The following XKR9 variants were observed in gnomAD, a reference collection of about 807,000 sequenced individuals.
XKR9 encodes XK-related protein 9.
XKR9 carries 32 observed loss-of-function variants against 32.0 expected under a neutral mutation model. The observed-to-expected ratio is 1.00, with a 90% CI of 0.76 to 1.34. The LOEUF is 1.34. XKR9 is among the 40% of genes most tolerant of loss of function. The pLI, the probability that XKR9 is intolerant of heterozygous loss-of-function variation, is 0.00. For missense variants in XKR9, 546 were observed against 429.7 expected (o/e 1.27, Z -2.39); for synonymous variants, 168 against 143.4 (o/e 1.17, Z -1.22).
chr8:70,908,802 T>C, the XKR9 span, among the ~76,000 whole-genome samples: 2 of 152,168 alleles, frequency 1.3e-5, no homozygotes, highest in African/African-American at 4.8e-5. Context: ...CATTCTTAGA[T>C]CATGGGCTGT....
the XKR9 span, among the ~76,000 whole-genome samples, chr8:70,955,060 G>A: frequency 7.9e-5 from 12 of 152,214 alleles, no homozygotes; most frequent in African/African-American, 2.9e-4. Context: ...TTTGTCCTGG[G>A]AGCATTGCAG....
chr8:70,694,651 C>G (rs62530777), intron 3 of XKR9, among the ~76,000 whole-genome samples: 2 of 152,046 alleles, frequency 1.3e-5, no homozygotes, highest in Non-Finnish European at 2.9e-5. Flanking sequence ...GATGGCAGCC[C>G]GCCCCTCCTC....
At chr8:70,728,247 T>C (rs1293069882) in intron 4 of XKR9, among the ~76,000 whole-genome samples, 1 of 152,132 alleles carries the variant, frequency 6.6e-6, no homozygotes, top group Non-Finnish European at 1.5e-5. Context: ...ATCCCTCTCT[T>C]TAGGTTTTAT....
At chr8:70,875,296 G>T in the XKR9 span, among the ~76,000 whole-genome samples, 1 of 152,112 alleles carries the variant, frequency 6.6e-6, no homozygotes, top group Non-Finnish European at 1.5e-5. Context: ...GAATGCCTCC[G>T]TTTATAGCAG....
At chr8:70,815,976 T>C in the XKR9 span, among the ~76,000 whole-genome samples, 1 of 152,110 alleles carries the variant, frequency 6.6e-6, no homozygotes, top group Admixed American at 6.5e-5. Context: ...GTCTTTATAA[T>C]AGAACAATTT....
intron 2 of XKR9, among the ~76,000 whole-genome samples, chr8:70,776,140 A>G (rs1246345291): frequency 6.6e-6 from 1 of 151,962 alleles, no homozygotes; most frequent in African/African-American, 2.4e-5. Context: ...CTCTTCCTCT[A>G]TTTTCTAAAA....
At chr8:70,863,439 T>G in the XKR9 span, among the ~76,000 whole-genome samples, 2 of 152,194 alleles carry the variant, frequency 1.3e-5, no homozygotes, top group African/African-American at 4.8e-5. Context: ...CACTGTGTCT[T>G]TGTGACTATA....
intron 4 of XKR9, among the ~76,000 whole-genome samples, chr8:70,722,208 T>G (rs537883380): frequency 1.3e-5 from 2 of 152,088 alleles, no homozygotes; most frequent in African/African-American, 4.8e-5. Flanking sequence ...TGAGGCTGGG[T>G]CTCCTGAATA....
At chr8:70,780,944 T>G (rs1807607312) in intron 2 of XKR9, 1 of 152,072 alleles carries the variant, frequency 6.6e-6, no homozygotes, top group Non-Finnish European at 1.5e-5. Context: ...AGTGGAGAGT[T>G]GTATACCAAC....
intron 2 of XKR9, among the ~76,000 whole-genome samples, chr8:70,755,314 C>T (rs569632108): frequency 1.3e-5 from 2 of 152,146 alleles, no homozygotes; most frequent in South Asian, 2.1e-4. Flanking sequence ...GTTGCTGGGA[C>T]TGTAAACTAG....
At chr8:70,815,148 G>T in the XKR9 span, among the ~76,000 whole-genome samples, 1 of 149,570 alleles carries the variant, frequency 6.7e-6, no homozygotes, top group Non-Finnish European at 1.5e-5. Context: ...TTTTTACATT[G>T]TATTTTATTC....
At chr8:70,868,490 A>G in the XKR9 span, among the ~76,000 whole-genome samples, 4 of 150,912 alleles carry the variant, frequency 2.7e-5, no homozygotes, top group South Asian at 6.3e-4. Context: ...CACCCTCTGA[A>G]GCTATGGCCC....
the XKR9 span, among the ~76,000 whole-genome samples, chr8:70,841,627 C>T: frequency 6.6e-6 from 1 of 152,316 alleles, no homozygotes; most frequent in East Asian, 1.9e-4. Flanking sequence ...TCTTCCCTCA[C>T]ATTTCATATC....
At chr8:70,714,084 T>G (rs1157398895) in intron 4 of XKR9, among the ~76,000 whole-genome samples, 1 of 151,842 alleles carries the variant, frequency 6.6e-6, no homozygotes. Context: ...TGGGGATGAG[T>G]AAGGAGGAGG....
At chr8:70,712,927 A>C (rs1805967961) in intron 4 of XKR9, among the ~76,000 whole-genome samples, 1 of 152,180 alleles carries the variant, frequency 6.6e-6, no homozygotes, top group African/African-American at 2.4e-5. Context: ...TTATAGCACC[A>C]AAACAACTAA....
chr8:70,736,664 C>A (rs1240448665), downstream of XKR9, among the ~76,000 whole-genome samples: 8 of 152,024 alleles, frequency 5.3e-5, no homozygotes, highest in Admixed American at 5.2e-4. Flanking sequence ...AGGAAGGGAT[C>A]CAGTTTCAGC....
the XKR9 span, among the ~76,000 whole-genome samples, chr8:70,923,742 G>A: frequency 6.6e-6 from 1 of 152,058 alleles, no homozygotes; most frequent in Non-Finnish European, 1.5e-5. Context: ...GCTGAGTTGG[G>A]GACACATTTA....
chr8:70,828,664 A>G, the XKR9 span, among the ~76,000 whole-genome samples: 1 of 149,296 alleles, frequency 6.7e-6, no homozygotes, highest in Non-Finnish European at 1.5e-5. Context: ...TGGAGGTTGC[A>G]GTGAGCTGAG....
the XKR9 span, among the ~76,000 whole-genome samples, chr8:70,930,727 A>G: frequency 3.3e-5 from 5 of 152,194 alleles, no homozygotes; most frequent in Non-Finnish European, 7.3e-5. Context: ...TTAAAGGTTC[A>G]TGGCGTGGCT....
Sources: allele counts gnomAD v4.1 joint callset (sites outside exome capture counted in the v4.1 genomes callset), GRCh38; gene constraint gnomAD v4.1.1; transcripts MANE v1.5; gene names NCBI Gene and HGNC (gene_info 2026-07-23, HGNC 2026-07-21).